Variants in ANKRD55 observed in about 807,000 individuals in gnomAD.
ANKRD55 encodes the protein ankyrin repeat domain 55.
ANKRD55 carries 41 observed loss-of-function variants against 60.6 expected under a neutral mutation model. The observed-to-expected ratio is 0.68, with a 90% confidence interval of 0.53 to 0.88. ANKRD55 has a LOEUF of 0.88. Among genes scored for constraint, ANKRD55 ranks in the 40% least tolerant of loss-of-function variants. The pLI is 0.00. For synonymous variants in ANKRD55, 264 were observed against 290.3 expected, an observed-to-expected ratio of 0.91 and a Z score of 0.92; for missense variants, 732 against 767.6, an observed-to-expected ratio of 0.95 and a Z score of 0.55.
In ANKRD55 at chr5:56,232,941, A is replaced by G; in HGVS notation, c.-28T>C. 6.2e-7 allele frequency: 1 copy of G among 1,610,080 alleles called. No homozygotes were observed. Among genetic ancestry groups the G allele is most frequent in the Non-Finnish European group, 8.5e-7 (1 of 1,176,394 alleles). ...ACCATCAGAATGGCAAAAAGCATCC[A>G]GGTCTCTAGAGAGGAGAAAACACCA... On this transcript the variant is annotated 5_prime_UTR_variant, in exon 2 of 12. Coordinates refer to ENST00000341048, the MANE Select transcript of ANKRD55 (RefSeq NM_024669.3).
At chr5:56,166,890 G>T (rs1561278286) in intron 5 of ANKRD55, among the ~76,000 whole-genome samples, 1 of 152,188 alleles carries the variant, frequency 6.6e-6, no homozygotes, top group Non-Finnish European at 1.5e-5. Context: ...GAGCCAGGAA[G>T]TTTTGTAAGA....
At chr5:56,162,863 A>G (rs1758366792) in intron 5 of ANKRD55, among the ~76,000 whole-genome samples, 1 of 151,972 alleles carries the variant, frequency 6.6e-6, no homozygotes, top group African/African-American at 2.4e-5. Context: ...TTTAGTAGAG[A>G]TGGGGTTTCA....
At chr5:56,199,063 G>T (rs1581016376) in intron 2 of ANKRD55, among the ~76,000 whole-genome samples, 1 of 149,120 alleles carries the variant, frequency 6.7e-6, no homozygotes, top group African/African-American at 2.5e-5. Context: ...CTGGACGACA[G>T]AGTGAGACTC....
intron 2 of ANKRD55, among the ~76,000 whole-genome samples, chr5:56,232,043 A>G (rs1711542930): frequency 6.6e-6 from 1 of 152,236 alleles, no homozygotes; most frequent in Non-Finnish European, 1.5e-5. Flanking sequence ...TAGATATTTA[A>G]GAAAAGATTC....
intron 4 of ANKRD55, among the ~76,000 whole-genome samples, chr5:56,175,493 T>C (rs755311106): frequency 1.1e-4 from 17 of 152,132 alleles, no homozygotes; most frequent in Non-Finnish European, 2.4e-4. Context: ...CAGGAAGAGT[T>C]TGAGAGGAGA....
At chr5:56,204,613 A>G (rs1759458677) in intron 2 of ANKRD55, among the ~76,000 whole-genome samples, 10 of 152,118 alleles carry the variant, frequency 6.6e-5, no homozygotes, top group Admixed American at 6.5e-4. Flanking sequence ...CCATGATTGT[A>G]AGTTTCCTGA....
intron 5 of ANKRD55, among the ~76,000 whole-genome samples, chr5:56,168,857 T>G (rs2399692): frequency 0.29 from 43,462 of 152,162 alleles, 10,866 homozygotes; most frequent in African/African-American, 0.67. Context: ...ACATGTCTGA[T>G]AAACTTTTTG....
chr5:56,153,294 C>A (rs1758101062), intron 6 of ANKRD55, among the ~76,000 whole-genome samples: 1 of 152,082 alleles, frequency 6.6e-6, no homozygotes, highest in African/African-American at 2.4e-5. Flanking sequence ...AACAACGACA[C>A]GCAGCTATTT....
chr5:56,137,075 C>T, intron 7 of ANKRD55: 1 of 856,998 alleles, frequency 1.2e-6, no homozygotes, highest in Admixed American at 1.7e-5. Context: ...TTGTGAAATG[C>T]CCAGGCCATC....
At position 56,109,046 on chromosome 5, in the gene ANKRD55, C is replaced by G. The variant is rs1756584932; in HGVS notation, c.1630+2072G>C. Among the ~76,000 whole-genome samples, 3 of 97,780 alleles carry G rather than the reference C, an allele frequency of 3.1e-5. No individual in the cohort carries two copies. The South Asian group carries it at 9.3e-4, about 30-fold the overall frequency. The allele number at this position is 97,780 out of a possible 152,430, so 64.1% of individuals were successfully genotyped here. On this transcript the variant is annotated intron_variant, in intron 10 of 11. Coordinates refer to ENST00000341048, the MANE Select transcript of ANKRD55 (RefSeq NM_024669.3). ...GTGAGACTCTGTCTCAAAACACACACACACACACACACACACACACACACA... is the reference window on the plus strand; with the variant it reads ...GTGAGACTCTGTCTCAAAACACACAGACACACACACACACACACACACACA...
rs321775 is a variant in ANKRD55 at position 56,111,125 on chromosome 5, T to C, written c.1623A>G (p.Pro541=). ...TGAAATCAAGGACATTACCTGATGA[T>C]GGATTATGTAGATGGCGAAGGTGTG... The part of the protein sequence containing the change: ...VPPHLRHLHN[P]SSGQNFQHLS... The change falls in exon 10 of 12, where the codon CCA becomes CCG. Residue 541 remains proline, a synonymous_variant. Transcript: ENST00000341048. The C allele has an allele frequency of 0.25, 409,527 of 1,612,094 alleles. 53,736 individuals are homozygous for C. Among genetic ancestry groups the C allele is most frequent in the East Asian group, 0.32 (14,538 of 44,848 alleles).
intron 5 of ANKRD55, among the ~76,000 whole-genome samples, chr5:56,164,909 C>A (rs1407893217): frequency 6.6e-6 from 1 of 152,174 alleles, no homozygotes; most frequent in African/African-American, 2.4e-5. Context: ...CAGCCTCCAT[C>A]CCCATTGAGC....
intron 6 of ANKRD55, among the ~76,000 whole-genome samples, chr5:56,148,336 C>T (rs1484262625): frequency 6.6e-6 from 1 of 152,156 alleles, no homozygotes; most frequent in Non-Finnish European, 1.5e-5. Context: ...GCAACAAACA[C>T]CCAGATGGCC....
At chr5:56,113,492 G>A (rs1053007678) in intron 9 of ANKRD55, among the ~76,000 whole-genome samples, 2 of 152,188 alleles carry the variant, frequency 1.3e-5, no homozygotes, top group African/African-American at 2.4e-5. Flanking sequence ...ACGGAGGTGT[G>A]ATGATTGTCT....
chr5:56,211,382 C>G (rs963292970), intron 2 of ANKRD55, among the ~76,000 whole-genome samples: 1 of 152,144 alleles, frequency 6.6e-6, no homozygotes, highest in Non-Finnish European at 1.5e-5. Context: ...GTAAGCACTT[C>G]CTAGAAATTG....
At chr5:56,209,043 C>T (rs1759590646) in intron 2 of ANKRD55, among the ~76,000 whole-genome samples, 1 of 151,932 alleles carries the variant, frequency 6.6e-6, no homozygotes, top group South Asian at 2.1e-4. Flanking sequence ...CTGCAGCGTC[C>T]ACCTCCTGGG....
At chr5:56,204,048 T>C (rs1252342760) in intron 2 of ANKRD55, among the ~76,000 whole-genome samples, 1 of 152,156 alleles carries the variant, frequency 6.6e-6, no homozygotes, top group Non-Finnish European at 1.5e-5. Flanking sequence ...TGGTATCTCA[T>C]TGTGGTTTTG....
intron 2 of ANKRD55, among the ~76,000 whole-genome samples, chr5:56,203,420 A>C (rs999867069): frequency 7.9e-5 from 12 of 152,228 alleles, no homozygotes; most frequent in Admixed American, 7.8e-4. Context: ...ATATGTATAC[A>C]TGTGCCATGT....
intron 2 of ANKRD55, among the ~76,000 whole-genome samples, chr5:56,224,710 C>T (rs550368437): frequency 1.3e-3 from 191 of 152,168 alleles, no homozygotes; most frequent in African/African-American, 3.9e-3. Context: ...AACACCTCTA[C>T]GCAAATAAAC....
Sources: gnomAD v4.1 joint callset for allele counts (sites outside exome capture counted in the v4.1 genomes callset) on GRCh38, gnomAD v4.1.1 for gene constraint, MANE v1.5 for transcripts, NCBI Gene and HGNC (gene_info 2026-07-23, HGNC 2026-07-21) for gene names.